GHRHR: variants seen among roughly 807,000 people sequenced by gnomAD.
The protein encoded by GHRHR is growth hormone-releasing hormone receptor.
A neutral mutation model predicts 58.3 loss-of-function variants in GHRHR; 40 were observed. The observed-to-expected ratio is 0.69, with a 90% CI of 0.53 to 0.89. The LOEUF (loss-of-function observed/expected upper bound fraction) is 0.89, where lower values mean the gene tolerates loss of function less well. Among genes scored for constraint, GHRHR ranks in the 40% least tolerant of loss-of-function variants. The pLI is 0.00. For missense variants in GHRHR, 551 were observed against 541.3 expected (o/e 1.02, Z -0.18); for synonymous variants, 249 against 216.6 (o/e 1.15, Z -1.31).
chr7:30,974,853 GA>G, intron 8 of GHRHR, 117 bp from the exon 9 acceptor site: 1 of 793,950 alleles, frequency 1.3e-6, no homozygotes, highest in Non-Finnish European at 2.3e-6. Context: ...TGAGACAGGA[GA>G]AAAGGCTGGA....
At chr7:30,967,309 A>C (rs1484501221) in intron 1 of GHRHR, among the ~76,000 whole-genome samples, 1 of 152,130 alleles carries the variant, frequency 6.6e-6, no homozygotes, top group East Asian at 1.9e-4. Flanking sequence ...ATCTCTACAT[A>C]TTCCTGCTTC....
At chr7:30,965,946 G>C (rs775322873) in intron 1 of GHRHR, among the ~76,000 whole-genome samples, 1 of 152,186 alleles carries the variant, frequency 6.6e-6, no homozygotes, top group Admixed American at 6.5e-5. Context: ...CTGAGTCCTC[G>C]GGAGGAAGCC....
intron 10 of GHRHR, 200 bp downstream of exon 10, chr7:30,976,068 C>T (rs1792577272): frequency 1.6e-6 from 1 of 611,244 alleles, no homozygotes; most frequent in African/African-American, 1.9e-5. Context: ...AGCCAGCTCC[C>T]ATGCCAAATA....
Position 30,976,532 on chromosome 7 carries a change from CT to C in GHRHR, c.1079del (p.Leu360ArgfsTer24). ...DNAGLGIRLP[L>X]ELGLGSFQGF... ...TGCTGGCCTGGGCATCCGCCTCCCCCTGGAGCTGGGACTGGGTTCCTTCCAG... is the reference window on the plus strand; with the variant it reads ...TGCTGGCCTGGGCATCCGCCTCCCCCGGAGCTGGGACTGGGTTCCTTCCAG... On this transcript the variant is annotated frameshift_variant, in exon 11 of 13. Coordinates refer to ENST00000326139, the MANE Select transcript of GHRHR (RefSeq NM_000823.4). LOFTEE classifies it high-confidence loss of function. 6.2e-7 allele frequency: 1 copy of C among 1,613,610 alleles called. No homozygotes were observed. The highest frequency in any genetic ancestry group is 8.5e-7 in the Non-Finnish European group (1 of 1,179,718).
At chr7:30,968,594 G>A (rs1485351855) in intron 1 of GHRHR, among the ~76,000 whole-genome samples, 1 of 130,542 alleles carries the variant, frequency 7.7e-6, no homozygotes, top group Non-Finnish European at 1.6e-5. Flanking sequence ...TAGACCTTCT[G>A]TTCCTCCCTC....
In GHRHR at chr7:30,975,830, G is replaced by A; in HGVS notation, c.936G>A (p.Glu312=). The change falls in exon 10 of 13, where the codon GAG becomes GAA. Residue 312 remains glutamate (E), a synonymous_variant. Transcript: ENST00000326139. The part of the protein sequence containing the change: ...NIIRILVRKL[E]PAQGSLHTQS... The stretch of plus-strand genomic sequence containing the variant: ...TCCGCATCCTGGTGAGGAAACTGGA[G>A]CCAGCTCAGGGCAGCCTCCATACCC... The A allele has an allele frequency of 1.9e-6, 3 of 1,612,006 alleles. No individual in the cohort carries two copies. The South Asian group carries it at 3.3e-5, about 18-fold the overall frequency.
chr7:30,972,962 C>T (rs150705087), intron 6 of GHRHR, among the ~76,000 whole-genome samples: 2 of 152,252 alleles, frequency 1.3e-5, no homozygotes, highest in South Asian at 2.1e-4. Flanking sequence ...GGTGTTGACC[C>T]CCCTTTCAGC....
At position 30,973,234 on chromosome 7, in the gene GHRHR, G is replaced by A. The variant is rs139977557; in HGVS notation, c.598-751G>A. Among the ~76,000 whole-genome samples the A allele has an allele frequency of 2.0e-5, 3 of 152,334 alleles. No homozygotes were observed. The East Asian group carries it at 5.8e-4, about 29-fold the overall frequency. On this transcript the variant is annotated intron_variant, in intron 6 of 12. Transcript: ENST00000326139. Reference sequence around the variant, plus strand: ...TCATCGTCTTTATGTTGAGTAGCCTGAGGGGGAGGAGGAAGAGAAGTTGAT... The same window carrying A: ...TCATCGTCTTTATGTTGAGTAGCCTAAGGGGGAGGAGGAAGAGAAGTTGAT...
At chr7:30,966,682 G>T (rs1022209445) in intron 1 of GHRHR, among the ~76,000 whole-genome samples, 4 of 150,298 alleles carry the variant, frequency 2.7e-5, no homozygotes, top group African/African-American at 9.9e-5. Flanking sequence ...TCACTTTATC[G>T]CCCAGGCTGG....
At chr7:30,969,218 G>C in intron 3 of GHRHR, 48 bp downstream of exon 3, 4 of 1,248,022 alleles carry the variant, frequency 3.2e-6, no homozygotes, top group Non-Finnish European at 4.5e-6. Flanking sequence ...GCTTTCATCT[G>C]GAAGTGGCAG....
rs747109235 is a variant in GHRHR, at chr7:30,979,213, C to CGGCG, written c.1243_1246dup (p.Ala416GlyfsTer61). On this transcript the variant is annotated frameshift_variant, in exon 13 of 13. Coordinates refer to ENST00000326139, the MANE Select transcript of GHRHR (RefSeq NM_000823.4). LOFTEE classifies it high-confidence loss of function. ...GCTAAGTGGACCACGCCTTCCCGCTCGGCGGCAAAGGTGCTGACATCTATG... is the reference window on the plus strand; with the variant it reads ...GCTAAGTGGACCACGCCTTCCCGCTCGGCGGGCGGCAAAGGTGCTGACATCTATG... 49 of 1,613,916 alleles carry CGGCG rather than the reference C, an allele frequency of 3.0e-5. No individual in the cohort carries two copies. The highest frequency in any genetic ancestry group is 4.1e-5 in the Non-Finnish European group (48 of 1,179,932).
rs1326099180 is a variant in GHRHR at position 30,975,059 on chromosome 7, G to A, written c.882+19G>A. On this transcript the variant is annotated intron_variant, in intron 9 of 12. Coordinates refer to ENST00000326139, the MANE Select transcript of GHRHR (RefSeq NM_000823.4). Reference sequence around the variant, plus strand: ...GGTCGGGGTCAGTCCCTGGGCCAGTGCCCTTTGCTTTATTCAGTCAACTTC... The same window carrying A: ...GGTCGGGGTCAGTCCCTGGGCCAGTACCCTTTGCTTTATTCAGTCAACTTC... 2 of 1,560,462 alleles carry A rather than the reference G, an allele frequency of 1.3e-6. No individual in the cohort carries two copies. Among genetic ancestry groups the A allele is most frequent in the Admixed American group, 1.7e-5 (1 of 59,974 alleles).
rs1350919814 is a variant in GHRHR, at chr7:30,976,499, C to A, written c.1045C>A (p.Pro349Thr). 2 of 1,613,200 alleles carry A rather than the reference C, an allele frequency of 1.2e-6. No individual in the cohort carries two copies. Among genetic ancestry groups the A allele is most frequent in the Non-Finnish European group, 1.7e-6 (2 of 1,179,334 alleles). ...TCACTACATCATCTTCAACTTCCTGCCAGACAATGCTGGCCTGGGCATCCG... is the reference window on the plus strand; with the variant it reads ...TCACTACATCATCTTCAACTTCCTGACAGACAATGCTGGCCTGGGCATCCG... ...GIHYIIFNFL[P>T]DNAGLGIRLP... Residue 349 changes from proline (P) to threonine (T), a missense_variant, in exon 11 of 13, where the codon CCA (proline) becomes ACA (threonine). Coordinates refer to ENST00000326139, the MANE Select transcript of GHRHR (RefSeq NM_000823.4).
At chr7:30,967,000 T>C (rs573046839) in intron 1 of GHRHR, among the ~76,000 whole-genome samples, 12 of 152,234 alleles carry the variant, frequency 7.9e-5, no homozygotes, top group African/African-American at 2.9e-4. Flanking sequence ...CCCTTCTCCC[T>C]TCCCCAGCCC....
chr7:30,978,629 C>A (rs182236288), intron 12 of GHRHR, among the ~76,000 whole-genome samples: 3 of 152,320 alleles, frequency 2.0e-5, no homozygotes, highest in Admixed American at 2.0e-4. Context: ...CCAATCCCAC[C>A]GTTCCATCTT....
rs374350459 is a variant in GHRHR at position 30,977,325 on chromosome 7, G to C, written c.1146+3G>C. On this transcript the variant is annotated splice_donor_region_variant and intron_variant, in intron 12 of 12. Coordinates refer to ENST00000326139, the MANE Select transcript of GHRHR (RefSeq NM_000823.4). Reference sequence around the variant, plus strand: ...TCTACTGCTTCCTCAACCAAGAGGTGTGTGATTTTTGAGGCTATCCCTCAT... The same window carrying C: ...TCTACTGCTTCCTCAACCAAGAGGTCTGTGATTTTTGAGGCTATCCCTCAT... 3 of 1,613,796 alleles carry C rather than the reference G, an allele frequency of 1.9e-6. No individual in the cohort carries two copies. The South Asian group carries it at 3.3e-5, about 18-fold the overall frequency.
At chr7:30,972,393 C>G (rs1792498670) in intron 6 of GHRHR, among the ~76,000 whole-genome samples, 1 of 152,186 alleles carries the variant, frequency 6.6e-6, no homozygotes, top group Non-Finnish European at 1.5e-5. Context: ...TTTCACCCCT[C>G]CCTGAGCACT....
At chr7:30,976,742 T>TTCCATCCATCCA (rs916372072) in intron 11 of GHRHR, among the ~76,000 whole-genome samples, 184 bp downstream of exon 11, 2 of 152,040 alleles carry the variant, frequency 1.3e-5, no homozygotes, top group Non-Finnish European at 2.9e-5. Context: ...CCATGCATTC[T>TTCCATCCATCCA]TCCATCCATC....
At chr7:30,974,188 A>G in intron 7 of GHRHR, 50 bp downstream of exon 7, 1 of 1,580,010 alleles carries the variant, frequency 6.3e-7, no homozygotes, top group South Asian at 1.1e-5. Flanking sequence ...AGGGCTGGAA[A>G]GGCCCAGGGA....
Sources: gnomAD v4.1 joint callset for allele counts (sites outside exome capture counted in the v4.1 genomes callset) on GRCh38, gnomAD v4.1.1 for gene constraint, MANE v1.5 for transcripts, NCBI Gene and HGNC (gene_info 2026-07-23, HGNC 2026-07-21) for gene names.